Variants in SMURF1 observed in about 807,000 individuals in gnomAD.
SMURF1 encodes the protein SMAD specific E3 ubiquitin protein ligase 1.
A neutral mutation model predicts 98.0 loss-of-function variants in SMURF1; 44 were observed. The ratio of observed to expected loss-of-function variants is 0.45; its 90% CI spans 0.35 to 0.58. The LOEUF is 0.58. Ranked by LOEUF, SMURF1 falls within the 20% of genes least tolerant of loss-of-function variation. The pLI is 0.00. For missense variants in SMURF1, 687 were observed against 938.4 expected, an observed-to-expected ratio of 0.73 and a Z score of 3.50; for synonymous variants, 396 against 374.9, an observed-to-expected ratio of 1.06 and a Z score of -0.65.
chr7:99,069,448 T>C (rs576434222), intron 1 of SMURF1, among the ~76,000 whole-genome samples: 1 of 152,252 alleles, frequency 6.6e-6, no homozygotes, highest in South Asian at 2.1e-4. Flanking sequence ...AGTCTCGAAC[T>C]CCTGGGCTCC....
chr7:99,101,138 G>A (rs924444994), intron 1 of SMURF1, among the ~76,000 whole-genome samples: 1 of 152,058 alleles, frequency 6.6e-6, no homozygotes, highest in African/African-American at 2.4e-5. Context: ...AAGAAATATG[G>A]GGGGGTAGGG....
At chr7:99,042,682 T>G (rs1316400068) in intron 11 of SMURF1, among the ~76,000 whole-genome samples, 1 of 152,220 alleles carries the variant, frequency 6.6e-6, no homozygotes, top group Non-Finnish European at 1.5e-5. Context: ...AAATAGAAAT[T>G]GTATGGTTCA....
chr7:99,127,194 G>A (rs1256549870), intron 1 of SMURF1, among the ~76,000 whole-genome samples: 1 of 152,236 alleles, frequency 6.6e-6, no homozygotes, highest in Non-Finnish European at 1.5e-5. Context: ...CACAGGGATA[G>A]TCATTGCATA....
chr7:99,066,796 AAAAG>A (rs1796206399), intron 1 of SMURF1, among the ~76,000 whole-genome samples: 1 of 151,482 alleles, frequency 6.6e-6, no homozygotes, highest in Non-Finnish European at 1.5e-5. Flanking sequence ...AAAAAAAAAA[AAAAG>A]AAAAGAAGAA....
chr7:99,091,987 G>A (rs542686003), intron 1 of SMURF1, among the ~76,000 whole-genome samples: 13 of 152,290 alleles, frequency 8.5e-5, no homozygotes, highest in African/African-American at 3.1e-4. Context: ...TCAAAGTCCG[G>A]TTTGGCTATT....
intron 1 of SMURF1, among the ~76,000 whole-genome samples, chr7:99,100,059 T>C (rs937498225): frequency 2.0e-5 from 3 of 151,806 alleles, no homozygotes; most frequent in Admixed American, 2.0e-4. Context: ...TTTGTGTGTG[T>C]TCATCTTATC....
intron 1 of SMURF1, among the ~76,000 whole-genome samples, chr7:99,097,584 T>G (rs998366984): frequency 7.2e-5 from 11 of 152,210 alleles, no homozygotes; most frequent in African/African-American, 2.7e-4. Context: ...AGAAGGCCCT[T>G]GCCAGATGCT....
chr7:99,079,064 C>T (rs1321209899), intron 1 of SMURF1, among the ~76,000 whole-genome samples: 1 of 152,204 alleles, frequency 6.6e-6, no homozygotes, highest in Non-Finnish European at 1.5e-5. Flanking sequence ...CACAGCCACC[C>T]TCAGGCAACT....
chr7:99,057,327 G>T (rs1795901312), intron 4 of SMURF1, 57 bp from the exon 5 acceptor site: 2 of 1,613,700 alleles, frequency 1.2e-6, no homozygotes, highest in Admixed American at 3.3e-5. Flanking sequence ...GAGGAAGGCA[G>T]GAATTCAGTA....
intron 1 of SMURF1, among the ~76,000 whole-genome samples, chr7:99,129,088 C>T (rs1363733575): frequency 6.6e-6 from 1 of 152,128 alleles, no homozygotes; most frequent in East Asian, 1.9e-4. Context: ...GCAAACAATT[C>T]CCAGGACTTC....
At chr7:99,048,035 G>A (rs1795639120) in intron 9 of SMURF1, 153 bp from the exon 10 acceptor site, 7 of 697,002 alleles carry the variant, frequency 1.0e-5, no homozygotes, top group Admixed American at 2.5e-5. Flanking sequence ...TACCTAGCTA[G>A]CTGTGTCAAA....
At chr7:99,056,335 C>T (rs1407985055) in intron 5 of SMURF1, among the ~76,000 whole-genome samples, 1 of 151,924 alleles carries the variant, frequency 6.6e-6, no homozygotes, top group Admixed American at 6.6e-5. Context: ...CTGAGTTACC[C>T]TAAAACACTA....
At position 99,058,112 on chromosome 7, in the gene SMURF1, ATATTT is replaced by A. The variant is rs1236574096; in HGVS notation, c.204-566_204-562del. On this transcript the variant is annotated intron_variant, in intron 3 of 17. Coordinates refer to ENST00000361368, the MANE Select transcript of SMURF1 (RefSeq NM_181349.3). The stretch of plus-strand genomic sequence containing the variant: ...ATAATAATCTTATAACAGACTTACT[ATATTT>A]TATTTATTTTTATTTATTTTTTTAT... Among the ~76,000 whole-genome samples, 5 of 151,936 alleles carry A rather than the reference ATATTT, an allele frequency of 3.3e-5. No individual in the cohort carries two copies. The East Asian group carries it at 9.6e-4, about 29-fold the overall frequency.
intron 1 of SMURF1, among the ~76,000 whole-genome samples, chr7:99,095,554 T>C (rs1246640803): frequency 3.3e-5 from 5 of 152,206 alleles, no homozygotes; most frequent in African/African-American, 7.2e-5. Flanking sequence ...AAGACACTTA[T>C]TATTTTTAGT....
chr7:99,104,679 G>A (rs796372536), intron 1 of SMURF1, among the ~76,000 whole-genome samples: 33 of 152,296 alleles, frequency 2.2e-4, no homozygotes, highest in African/African-American at 7.7e-4. Context: ...CAATTATTCC[G>A]ATACATGGCT....
chr7:99,103,921 C>T lies in SMURF1; in HGVS notation c.55+39805G>A, dbSNP rs142138647. 6.0e-3 allele frequency among the ~76,000 whole-genome samples: 893 copies of T among 147,942 alleles called. 12 individuals carry two copies. Among genetic ancestry groups the T allele is most frequent in the African/African-American group, 0.021 (815 of 39,606 alleles). ...TTTTTTTTTTTTTTTGAGATGGAGT[C>T]TCAGTCTGTCACCCAGGCTAGAATG... On this transcript the variant is annotated intron_variant, in intron 1 of 17. Coordinates refer to ENST00000361368, the MANE Select transcript of SMURF1 (RefSeq NM_181349.3).
In SMURF1 at chr7:99,059,402, AAAAATAAAATAAAATAAAAT is replaced by A. The variant is rs59050463; in HGVS notation, c.203+1177_203+1196del. 1.0e-2 allele frequency among the ~76,000 whole-genome samples: 772 copies of A among 77,430 alleles called. 25 individuals are homozygous for A. The highest frequency in any genetic ancestry group is 0.028 in the African/African-American group (539 of 19,522). 50.8% of individuals were successfully genotyped at this position (77,430 alleles called of 152,430 possible). On this transcript the variant is annotated intron_variant, in intron 3 of 17. Transcript: ENST00000361368. ...GACAGAGCAAGACTCCATCTCAAAA[AAAAATAAAATAAAATAAAAT>A]AAAATAAAATAAAATAAAATAAAAT... is the stretch of plus-strand genomic sequence containing the variant.
chr7:99,143,680 G>T, intron 1 of SMURF1, 46 bp downstream of exon 1: 1 of 1,501,614 alleles, frequency 6.7e-7, no homozygotes, highest in Non-Finnish European at 8.9e-7. Flanking sequence ...ATTCCGGGGC[G>T]GGCGAGGGGG....
At chr7:99,038,641 G>C in intron 13 of SMURF1, 116 bp from the exon 14 acceptor site, 2 of 1,258,394 alleles carry the variant, frequency 1.6e-6, no homozygotes, top group South Asian at 1.5e-5. Context: ...GGACAGCCTC[G>C]GGCAGACACA....
Sources: gnomAD v4.1 joint callset for allele counts (sites outside exome capture counted in the v4.1 genomes callset) on GRCh38, gnomAD v4.1.1 for gene constraint, MANE v1.5 for transcripts, NCBI Gene and HGNC (gene_info 2026-07-23, HGNC 2026-07-21) for gene names.